Variants in ARAP2 observed in about 807,000 individuals in gnomAD.
ARAP2 encodes ArfGAP with RhoGAP domain, ankyrin repeat and PH domain 2, also known as arf-GAP with Rho-GAP domain, ANK repeat and PH domain-containing protein 2.
In ARAP2, 148 loss-of-function variants were observed where a neutral mutation model predicts 194.5. The observed-to-expected ratio is 0.76, with a 90% CI of 0.67 to 0.87. The LOEUF (loss-of-function observed/expected upper bound fraction) is 0.87, where lower values mean the gene tolerates loss of function less well. Ranked by LOEUF, ARAP2 falls within the 40% of genes least tolerant of loss-of-function variation. The probability of loss-of-function intolerance (pLI) is 0.00; values close to 1 mark genes in which losing one functional copy is unlikely to be tolerated. For synonymous variants in ARAP2, 695 were observed against 683.5 expected (o/e 1.02, Z -0.26); for missense variants, 2,128 against 1,989.7 (o/e 1.07, Z -1.32).
chr4:36,084,967 A>T (rs1730472303), intron 28 of ARAP2, among the ~76,000 whole-genome samples: 1 of 152,140 alleles, frequency 6.6e-6, no homozygotes, highest in Non-Finnish European at 1.5e-5. Flanking sequence ...AATCTTATCT[A>T]CACGGATAGG....
chr4:36,217,402 C>T (rs1232181003), intron 2 of ARAP2, among the ~76,000 whole-genome samples: 1 of 152,116 alleles, frequency 6.6e-6, no homozygotes, highest in East Asian at 1.9e-4. Flanking sequence ...CACCTGTGAT[C>T]CCAGATACTC....
intron 2 of ARAP2, among the ~76,000 whole-genome samples, chr4:36,057,020 CTCTA>C (rs1010685485): frequency 6.7e-6 from 1 of 149,504 alleles, no homozygotes; most frequent in African/African-American, 2.5e-5. Flanking sequence ...ACCAATTTCT[CTCTA>C]TCTAAAACAT....
At chr4:36,028,022 T>G (rs1187434633) in intron 5 of ARAP2, among the ~76,000 whole-genome samples, 1 of 152,198 alleles carries the variant, frequency 6.6e-6, no homozygotes, top group African/African-American at 2.4e-5. Context: ...GGTACATAAA[T>G]GCGCATACTC....
At chr4:36,192,971 G>C (rs1742267718) in intron 7 of ARAP2, among the ~76,000 whole-genome samples, 1 of 152,074 alleles carries the variant, frequency 6.6e-6, no homozygotes. Context: ...ACTCCAGCCT[G>C]GGCAACAGAG....
At chr4:36,165,277 C>T (rs968839361) in intron 10 of ARAP2, among the ~76,000 whole-genome samples, 164 bp from the exon 11 acceptor site, 4 of 152,168 alleles carry the variant, frequency 2.6e-5, no homozygotes, top group South Asian at 2.1e-4. Context: ...CATTTAACTT[C>T]GTCTTTTTTC....
chr4:36,208,784 C>G (rs1746112319), intron 6 of ARAP2, among the ~76,000 whole-genome samples: 1 of 151,660 alleles, frequency 6.6e-6, no homozygotes. Flanking sequence ...ATACCAAGCC[C>G]CTTGGTTTAT....
chr4:36,184,217 TAATA>T (rs2109877532), intron 8 of ARAP2, among the ~76,000 whole-genome samples: 1 of 151,924 alleles, frequency 6.6e-6, no homozygotes, highest in East Asian at 1.9e-4. Context: ...TAAGTACACT[TAATA>T]AAACATATTT....
intron 7 of ARAP2, among the ~76,000 whole-genome samples, chr4:36,191,775 A>G (rs1156602004): frequency 6.6e-6 from 1 of 152,080 alleles, no homozygotes; most frequent in East Asian, 1.9e-4. Context: ...GAGACAATGA[A>G]ACGATCACAG....
At chr4:36,152,372 T>A (rs529585492) in intron 15 of ARAP2, among the ~76,000 whole-genome samples, 130 of 152,156 alleles carry the variant, frequency 8.5e-4, no homozygotes, top group Middle Eastern at 3.2e-3. Flanking sequence ...GAACACTCAT[T>A]GTGAGTTTCT....
chr4:36,178,153 C>T, intron 8 of ARAP2, 148 bp from the exon 9 acceptor site: 1 of 635,396 alleles, frequency 1.6e-6, no homozygotes, highest in Admixed American at 3.6e-5. Context: ...TAAACAGAGC[C>T]AATGACTCAA....
At chr4:36,190,418 A>G (rs1182627608) in intron 7 of ARAP2, among the ~76,000 whole-genome samples, 3 of 152,190 alleles carry the variant, frequency 2.0e-5, no homozygotes, top group Non-Finnish European at 4.4e-5. Flanking sequence ...CATGTAGTTA[A>G]TACTATAGAA....
At position 36,082,258 on chromosome 4, in the gene ARAP2, G is replaced by A; in HGVS notation, c.4537C>T (p.His1513Tyr). The stretch of plus-strand genomic sequence containing the variant: ...TGTCAGCTGTTAACTTACCAGTGAT[G>A]TTTCTCAGAATATGCGGTCAATCCC... The part of the protein sequence containing the change: ...SWGLTAYSEK[H>Y]HWHLCCDSSR... Residue 1513 changes from histidine (H) to tyrosine (Y), a missense_variant, in exon 30 of 33, where the codon CAT (histidine) becomes TAT (tyrosine). Transcript: ENST00000303965. 1 of 1,610,922 alleles carries A rather than the reference G, an allele frequency of 6.2e-7. No homozygotes were observed. Among genetic ancestry groups the A allele is most frequent in the Non-Finnish European group, 8.5e-7 (1 of 1,178,652 alleles).
chr4:36,060,700 T>C (rs1428050249), intron 1 of ARAP2, among the ~76,000 whole-genome samples: 1 of 152,210 alleles, frequency 6.6e-6, no homozygotes, highest in Non-Finnish European at 1.5e-5. Flanking sequence ...AAGATCAAGA[T>C]GTCAGCAGGT....
intron 28 of ARAP2, among the ~76,000 whole-genome samples, chr4:36,089,873 G>A (rs894511278): frequency 6.6e-6 from 1 of 151,800 alleles, no homozygotes; most frequent in Non-Finnish European, 1.5e-5. Flanking sequence ...CTCAATCTGG[G>A]ACTATTAGTA....
intron 6 of ARAP2, among the ~76,000 whole-genome samples, chr4:36,196,878 T>A (rs1743228399): frequency 6.6e-6 from 1 of 151,632 alleles, no homozygotes; most frequent in Non-Finnish European, 1.5e-5. Context: ...CTGCTTGGAA[T>A]GCTGCCTGCC....
At chr4:36,139,983 T>C (rs1016582032) in intron 19 of ARAP2, among the ~76,000 whole-genome samples, 8 of 151,480 alleles carry the variant, frequency 5.3e-5, no homozygotes, top group African/African-American at 1.9e-4. Context: ...CATACTGAGG[T>C]TGTTTCTAGC....
Position 36,156,387 on chromosome 4 carries a change from GAGAGAAAGAAAGAA to G in ARAP2, c.2752+2329_2752+2342del, listed in dbSNP as rs1188322779. Among the ~76,000 whole-genome samples the G allele has an allele frequency of 1.9e-3, 12 of 6,454 alleles. 1 individual carries two copies. The highest frequency in any genetic ancestry group is 3.2e-3 in the Non-Finnish European group (12 of 3,718). 4.2% of individuals were successfully genotyped at this position (6,454 alleles called of 152,430 possible). A position where few individuals can be genotyped will look rare whatever the true frequency, so the allele number is the denominator to read the frequency against. On this transcript the variant is annotated intron_variant, in intron 15 of 32. Transcript: ENST00000303965. ...GGAGGGAGGGAGGGGGAAAGAGAGA[GAGAGAAAGAAAGAA>G]AGAAAGAAAGAAAGAAAGAAAGAAA...
In ARAP2 at chr4:36,123,080, C is replaced by T. The variant is rs73806473; in HGVS notation, c.3747-1754G>A. The stretch of plus-strand genomic sequence containing the variant: ...CGTGATTTACAACATGCAAAAGGAA[C>T]TGGAGTTTAATAGAAGAGGATGCGA... On this transcript the variant is annotated intron_variant, in intron 22 of 32. Coordinates refer to ENST00000303965, the MANE Select transcript of ARAP2 (RefSeq NM_015230.4). Among the ~76,000 whole-genome samples, 810 of 151,880 alleles carry T rather than the reference C, an allele frequency of 5.3e-3. 10 individuals carry two copies. Among genetic ancestry groups the T allele is most frequent in the African/African-American group, 0.018 (764 of 41,498 alleles).
Position 36,048,078 on chromosome 4 carries a change from T to C in ARAP2, n.370-1229A>G, listed in dbSNP as rs77249280. Among the ~76,000 whole-genome samples, 68 of 152,322 alleles carry C rather than the reference T, an allele frequency of 4.5e-4. No individual in the cohort carries two copies. The East Asian group carries it at 5.8e-3, about 13-fold the overall frequency. The stretch of plus-strand genomic sequence containing the variant: ...GTGTCTCCCTGGTAAGCACAACATA[T>C]ATGAAAGCAAATTTTAATTTAGAAG... On this transcript the variant is annotated intron_variant and non_coding_transcript_variant, in intron 3 of 12. Coordinates refer to the ARAP2 transcript ENST00000503225.
Sources: allele counts gnomAD v4.1 joint callset (sites outside exome capture counted in the v4.1 genomes callset), GRCh38; gene constraint gnomAD v4.1.1; transcripts MANE v1.5; gene names NCBI Gene and HGNC (gene_info 2026-07-23, HGNC 2026-07-21).